The following CRYM variants were observed in gnomAD, a reference collection of about 807,000 sequenced individuals.
CRYM encodes the protein crystallin mu.
CRYM carries 18 observed loss-of-function variants against 32.9 expected under a neutral mutation model. The observed-to-expected ratio is 0.55, with a 90% CI of 0.38 to 0.81. The LOEUF (loss-of-function observed/expected upper bound fraction) is 0.81, where lower values mean the gene tolerates loss of function less well. CRYM is among the 30% of genes least tolerant of loss of function. CRYM has a pLI of 0.00. For synonymous variants in CRYM, 153 were observed against 152.4 expected (o/e 1.00, Z -0.03); for missense variants, 337 against 393.5 (o/e 0.86, Z 1.21).
upstream of CRYM, among the ~76,000 whole-genome samples, chr16:21,281,172 ATATATACG>A (rs1008077608): frequency 5.3e-5 from 8 of 151,766 alleles, no homozygotes; most frequent in Non-Finnish European, 1.0e-4. Context: ...ATGTATATAC[ATATATACG>A]TATCTATGTA....
At chr16:21,295,696 G>A (rs1008494314) in intron 1 of CRYM, among the ~76,000 whole-genome samples, 13 of 152,180 alleles carry the variant, frequency 8.5e-5, no homozygotes, top group Admixed American at 2.0e-4. Flanking sequence ...ACTTTGGGAG[G>A]CCGAGGTGGG....
Position 21,277,661 on chromosome 16 carries a change from C to A in CRYM, c.171-77G>T, listed in dbSNP as rs556992592. On this transcript the variant is annotated intron_variant, in intron 1 of 7. Coordinates refer to ENST00000572914, the MANE Select transcript of CRYM (RefSeq NM_001376256.1). The surrounding 1 kb of genome is among the most constrained non-coding windows in gnomAD (Gnocchi z 4.2). ...TCTTAGAAAGTATCCATATACTTTC[C>A]TTTTTCTTTCCTTCCTCACCACCCC... is the stretch of plus-strand genomic sequence containing the variant. 1.9e-6 allele frequency: 3 copies of A among 1,542,778 alleles called. No homozygotes were observed. In the African/African-American group the frequency reaches 4.1e-5, roughly 21 times the overall value.
intron 1 of CRYM, among the ~76,000 whole-genome samples, chr16:21,294,577 C>A (rs1270595536): frequency 1.3e-5 from 2 of 152,094 alleles, no homozygotes; most frequent in African/African-American, 4.8e-5. Flanking sequence ...TGTTCAACTC[C>A]CACTTATGAG....
intron 5 of CRYM, among the ~76,000 whole-genome samples, chr16:21,264,076 T>C (rs1166310478): frequency 1.3e-5 from 2 of 152,260 alleles, no homozygotes; most frequent in Non-Finnish European, 2.9e-5. Context: ...CTTATACAAA[T>C]ATAAGACAGC....
At chr16:21,262,315 C>T (rs974487472) in intron 5 of CRYM, 157 bp from the exon 6 acceptor site, 26 of 851,676 alleles carry the variant, frequency 3.1e-5, no homozygotes, top group South Asian at 1.3e-4. Context: ...ATCAGTAGGA[C>T]GAAATACTTA....
At chr16:21,267,814 G>T in intron 4 of CRYM, 77 bp from the exon 5 acceptor site, 1 of 1,472,134 alleles carries the variant, frequency 6.8e-7, no homozygotes, top group Non-Finnish European at 9.5e-7. Flanking sequence ...GGGATGCGGA[G>T]GGAAAGTTGA....
chr16:21,266,021 C>T (rs944836816), intron 5 of CRYM, among the ~76,000 whole-genome samples: 2 of 152,036 alleles, frequency 1.3e-5, no homozygotes, highest in Non-Finnish European at 2.9e-5. Flanking sequence ...GTCAGGAGTT[C>T]GAGACCAGCC....
Position 21,277,025 on chromosome 16 carries a change from A to T in CRYM, c.324+406T>A, listed in dbSNP as rs2093387969. 6.6e-6 allele frequency among the ~76,000 whole-genome samples: 1 copy of T among 152,190 alleles called. No individual in the cohort carries two copies. Among genetic ancestry groups the T allele is most frequent in the South Asian group, 2.1e-4 (1 of 4,828 alleles). ...TAGATATTAAAACAGGTCACACCGT[A>T]TACCCCTCTGAAGACTCCCAGGGAT... is the stretch of plus-strand genomic sequence containing the variant. On this transcript the variant is annotated intron_variant, in intron 2 of 7. Transcript: ENST00000572914. This position sits in a 1 kb window ranked among gnomAD's most constrained non-coding sequence, Gnocchi z 4.2.
chr16:21,301,604 C>G (rs573605328), intron 1 of CRYM, among the ~76,000 whole-genome samples: 11 of 152,350 alleles, frequency 7.2e-5, no homozygotes, highest in Non-Finnish European at 1.5e-4. Flanking sequence ...CGTGGGCGCA[C>G]GTGCGGAAGA....
At chr16:21,276,077 C>A (rs140139031) in intron 2 of CRYM, among the ~76,000 whole-genome samples, 1 of 152,322 alleles carries the variant, frequency 6.6e-6, no homozygotes, top group Non-Finnish European at 1.5e-5. Flanking sequence ...TTAGATTAAC[C>A]CAGTCTGTAT....
chr16:21,272,651 A>AT (rs11353509), intron 3 of CRYM, among the ~76,000 whole-genome samples: 2,916 of 133,398 alleles, frequency 0.022, 136 homozygotes, highest in East Asian at 0.13. Flanking sequence ...ATTGGTGTGA[A>AT]TTTTTTTTTT....
intron 1 of CRYM, among the ~76,000 whole-genome samples, chr16:21,299,223 G>A (rs1320088179): frequency 6.6e-6 from 1 of 152,064 alleles, no homozygotes; most frequent in East Asian, 1.9e-4. Context: ...ACACTGCCGG[G>A]AGGAAAACAT....
At chr16:21,289,136 A>C (rs1281206426) in intron 1 of CRYM, among the ~76,000 whole-genome samples, 2 of 152,024 alleles carry the variant, frequency 1.3e-5, no homozygotes, top group Non-Finnish European at 2.9e-5. Flanking sequence ...CATATCTTAT[A>C]TTTGTTTGAT....
chr16:21,284,811 C>G (rs1417271934), intron 1 of CRYM, among the ~76,000 whole-genome samples: 2 of 152,124 alleles, frequency 1.3e-5, no homozygotes. Context: ...ATGGGAATGC[C>G]GGGTCAAATG....
rs536030338 is a variant in CRYM at position 21,302,075 on chromosome 16, A to C, written c.-193+903T>G. Among the ~76,000 whole-genome samples, 209 of 152,330 alleles carry C rather than the reference A, an allele frequency of 1.4e-3. 9 individuals carry two copies. The South Asian group carries it at 0.032, about 24-fold the overall frequency. ...GACTTCCTCATCCCCCCGCCAACAC[A>C]CACACACCCACACACACATACACAC... On this transcript the variant is annotated intron_variant, in intron 1 of 9. Transcript: ENST00000219599.
intron 5 of CRYM, among the ~76,000 whole-genome samples, chr16:21,265,399 C>T (rs2093361892): frequency 6.6e-6 from 1 of 152,196 alleles, no homozygotes; most frequent in African/African-American, 2.4e-5. Context: ...AAAAACACAT[C>T]TTAGAGAGCT....
chr16:21,280,974 A>G (rs963602472), upstream of CRYM, among the ~76,000 whole-genome samples: 1 of 151,808 alleles, frequency 6.6e-6, no homozygotes, highest in Non-Finnish European at 1.5e-5. Flanking sequence ...GTGTGGTAGC[A>G]TGTGCCTGTA....
intron 5 of CRYM, among the ~76,000 whole-genome samples, chr16:21,265,821 G>C (rs2093362758): frequency 6.6e-6 from 1 of 152,194 alleles, no homozygotes; most frequent in Non-Finnish European, 1.5e-5. Flanking sequence ...TGCCTGCTCT[G>C]CTCACCAGAA....
intron 1 of CRYM, among the ~76,000 whole-genome samples, chr16:21,289,523 T>G (rs1448337512): frequency 6.6e-6 from 1 of 152,238 alleles, no homozygotes; most frequent in African/African-American, 2.4e-5. Flanking sequence ...AAATCCATTC[T>G]GCCAATCTCT....
Sources: gnomAD v4.1 joint callset for allele counts (sites outside exome capture counted in the v4.1 genomes callset) on GRCh38, gnomAD v4.1.1 for gene constraint, Gnocchi (gnomAD v3.1) non-coding constraint, MANE v1.5 for transcripts, NCBI Gene and HGNC (gene_info 2026-07-23, HGNC 2026-07-21) for gene names.